Variants in NPAT observed in about 807,000 individuals in gnomAD.
NPAT encodes the protein nuclear protein, coactivator of histone transcription, also known as protein NPAT.
Under a neutral mutation model 130.7 loss-of-function variants are expected in NPAT, and 52 were observed. The ratio of observed to expected loss-of-function variants is 0.40; its 90% CI spans 0.32 to 0.50. NPAT has a LOEUF of 0.50. NPAT is among the 20% of genes least tolerant of loss of function. The probability of loss-of-function intolerance (pLI) is 0.68; values close to 1 mark genes in which losing one functional copy is unlikely to be tolerated. For synonymous variants in NPAT, 580 were observed against 584.8 expected (o/e 0.99, Z 0.12); for missense variants, 1,687 against 1,662.6 (o/e 1.01, Z -0.26).
chr11:108,202,378 T>G (rs1276734191), intron 1 of NPAT, among the ~76,000 whole-genome samples: 1 of 152,120 alleles, frequency 6.6e-6, no homozygotes, highest in African/African-American at 2.4e-5. Context: ...CTGATCCACT[T>G]GAGGCCCCTC....
rs987775769 is a variant in NPAT at position 108,157,461 on chromosome 11, A to G, written c.*1481T>C. On this transcript the variant is annotated 3_prime_UTR_variant, in exon 18 of 18. Transcript: ENST00000278612. ...TCTCAAGCTGAGTTAAATAAACATT[A>G]ACTATATGATATTTAGTTCCTTAGG... 7 of 152,160 alleles carry G rather than the reference A, an allele frequency of 4.6e-5. No individual in the cohort carries two copies. Among genetic ancestry groups the G allele is most frequent in the African/African-American group, 1.4e-4 (6 of 41,460 alleles). The allele number at this position is 152,160 out of a possible 1,614,324, so 9.4% of individuals were successfully genotyped here. A position where few individuals can be genotyped will look rare whatever the true frequency, so the allele number is the denominator to read the frequency against.
chr11:108,216,668 A>G (rs911008494), intron 1 of NPAT, among the ~76,000 whole-genome samples: 2 of 150,170 alleles, frequency 1.3e-5, no homozygotes, highest in African/African-American at 4.9e-5. Context: ...ATCATTACAG[A>G]TAATTCATGG....
At position 108,173,372 on chromosome 11, in the gene NPAT, T is replaced by C; in HGVS notation, c.1612A>G (p.Thr538Ala). The C allele has an allele frequency of 6.2e-7, 1 of 1,613,740 alleles. No homozygotes were observed. The highest frequency in any genetic ancestry group is 8.5e-7 in the Non-Finnish European group (1 of 1,179,642). The change falls in exon 13 of 18, where the codon ACT becomes GCT. Residue 538 changes from threonine (T) to alanine (A), a missense_variant. This residue lies in a region of NPAT where 1,379 missense variants were observed against 1,346.6 expected (regional missense o/e 1.02). Transcript: ENST00000278612. ...GKSSQLLSQDTSLTGKPSKKS... is the reference protein window; with the variant it reads ...GKSSQLLSQDASLTGKPSKKS... Reference sequence around the variant, plus strand: ...TTAGATGGCTTTCCAGTTAATGAAGTATCTTGGGATAAAAGTTGAGAACTC... The same window carrying C: ...TTAGATGGCTTTCCAGTTAATGAAGCATCTTGGGATAAAAGTTGAGAACTC...
intron 1 of NPAT, among the ~76,000 whole-genome samples, chr11:108,217,466 T>C (rs1467094830): frequency 1.3e-5 from 2 of 152,226 alleles, no homozygotes; most frequent in African/African-American, 4.8e-5. Flanking sequence ...AGTTAGCCTA[T>C]GGTAAAATTA....
At chr11:108,206,779 G>A (rs1257684137) in intron 1 of NPAT, among the ~76,000 whole-genome samples, 2 of 152,228 alleles carry the variant, frequency 1.3e-5, no homozygotes, top group Non-Finnish European at 2.9e-5. Context: ...GGAAGAATGA[G>A]GTTCACGGTC....
chr11:108,178,977 T>A (rs567743836), intron 10 of NPAT, among the ~76,000 whole-genome samples: 4 of 152,272 alleles, frequency 2.6e-5, no homozygotes, highest in Admixed American at 2.6e-4. Flanking sequence ...TCAAAACTAA[T>A]TATAAATTGA....
At chr11:108,180,353 A>G (rs1381655579) in intron 10 of NPAT, among the ~76,000 whole-genome samples, 5 of 152,336 alleles carry the variant, frequency 3.3e-5, no homozygotes, top group African/African-American at 7.2e-5. Flanking sequence ...CACATAATAT[A>G]TAAGAATTCC....
chr11:108,222,577 CA>C lies in NPAT; in HGVS notation c.-42del, dbSNP rs1486893754. The C allele has an allele frequency of 6.2e-7, 1 of 1,611,026 alleles. No homozygotes were observed. The highest frequency in any genetic ancestry group is 8.5e-7 in the Non-Finnish European group (1 of 1,177,976). On this transcript the variant is annotated 5_prime_UTR_variant, in exon 1 of 18. Coordinates refer to ENST00000278612, the MANE Select transcript of NPAT (RefSeq NM_002519.3). The stretch of plus-strand genomic sequence containing the variant: ...AGGAACCACAATAAGGAACAAGACT[CA>C]GGTTAAAGCAAACACAGCGACAGCT...
At chr11:108,164,199 G>T (rs529094240) in intron 15 of NPAT, among the ~76,000 whole-genome samples, 51 of 152,322 alleles carry the variant, frequency 3.3e-4, no homozygotes, top group African/African-American at 1.2e-3. Flanking sequence ...GACGTGTTGT[G>T]CAAGACTGGA....
chr11:108,165,451 T>TA, intron 15 of NPAT, among the ~76,000 whole-genome samples: 1 of 104,052 alleles, frequency 9.6e-6, no homozygotes, highest in Non-Finnish European at 1.9e-5. Flanking sequence ...CACATATGTA[T>TA]TTATATATAT....
rs769402108 is a variant in NPAT, at chr11:108,172,394, T to C, written c.2590A>G (p.Asn864Asp). Residue 864 changes from asparagine (N) to aspartate (D), a missense_variant, in exon 13 of 18, where the codon AAT becomes GAT. Asn to Asp is a conservative substitution (Grantham distance 23). Coordinates refer to ENST00000278612, the MANE Select transcript of NPAT (RefSeq NM_002519.3). ...ACACAGGTAGCTATCAGAATGTTATTTGAATTGCCAAAAGCTGTGCTTGTG... is the reference window on the plus strand; with the variant it reads ...ACACAGGTAGCTATCAGAATGTTATCTGAATTGCCAAAAGCTGTGCTTGTG... Reference protein sequence around the residue: ...PATSTAFGNSNNILIATCVTD... With the variant: ...PATSTAFGNSDNILIATCVTD... 79 of 1,614,118 alleles carry C rather than the reference T, an allele frequency of 4.9e-5. No individual in the cohort carries two copies. Among genetic ancestry groups the C allele is most frequent in the Non-Finnish European group, 6.3e-5 (74 of 1,180,046 alleles).
chr11:108,199,457 C>A (rs886937261), intron 1 of NPAT, among the ~76,000 whole-genome samples: 1 of 152,216 alleles, frequency 6.6e-6, no homozygotes, highest in Non-Finnish European at 1.5e-5. Context: ...GACAGCATAG[C>A]GGCACTGAAT....
intron 1 of NPAT, among the ~76,000 whole-genome samples, chr11:108,203,663 C>T (rs2078296363): frequency 6.6e-6 from 1 of 152,200 alleles, no homozygotes; most frequent in Admixed American, 6.5e-5. Flanking sequence ...CTGTTCCTCA[C>T]AAGGCATCTT....
At chr11:108,175,868 GGAAT>G (rs2078000479) in intron 12 of NPAT, among the ~76,000 whole-genome samples, 1 of 152,160 alleles carries the variant, frequency 6.6e-6, no homozygotes, top group African/African-American at 2.4e-5. Context: ...GAATTATAAA[GGAAT>G]GAGGTTGAGT....
chr11:108,170,544 T>C (rs2077941105), intron 13 of NPAT, among the ~76,000 whole-genome samples: 1 of 152,236 alleles, frequency 6.6e-6, no homozygotes, highest in Admixed American at 6.5e-5. Flanking sequence ...AGCACGTAAC[T>C]GGTCAAAACT....
Position 108,161,865 on chromosome 11 carries a change from G to C in NPAT, c.3221C>G (p.Ala1074Gly), listed in dbSNP as rs542147397. The change falls in exon 17 of 18, where the codon GCA (alanine) becomes GGA (glycine). Residue 1074 changes from alanine (A) to glycine (G), a missense_variant. This residue lies in a region of NPAT where 1,379 missense variants were observed against 1,346.6 expected (regional missense o/e 1.02). Transcript: ENST00000278612. ...LCFDSTTAPV[A>G]NTQGPNHKMV... ...CTTATGGTTTGGCCCCTGCGTATTT[G>C]CCACAGGAGCAGTAGTGCTGTCGAA... 13 of 1,613,956 alleles carry C rather than the reference G, an allele frequency of 8.1e-6. No individual in the cohort carries two copies. The highest frequency in any genetic ancestry group is 1.1e-5 in the Non-Finnish European group (13 of 1,180,036).
At chr11:108,160,646 T>C (rs569932630) in intron 17 of NPAT, among the ~76,000 whole-genome samples, 1 of 152,352 alleles carries the variant, frequency 6.6e-6, no homozygotes, top group East Asian at 1.9e-4. Context: ...AGACACCTTG[T>C]GCGTACTACA....
intron 3 of NPAT, among the ~76,000 whole-genome samples, chr11:108,193,053 C>A (rs1159695887): frequency 1.3e-5 from 2 of 152,112 alleles, no homozygotes; most frequent in Admixed American, 6.5e-5. Flanking sequence ...AAATGTCAAG[C>A]TTCTTTTCCT....
chr11:108,184,250 T>C (rs1267195097), intron 10 of NPAT, among the ~76,000 whole-genome samples: 1 of 151,996 alleles, frequency 6.6e-6, no homozygotes. Flanking sequence ...GGCGGGCAGA[T>C]AACGAGGTCA....
Sources: allele counts gnomAD v4.1 joint callset (sites outside exome capture counted in the v4.1 genomes callset), GRCh38; gene constraint gnomAD v4.1.1; regional missense constraint gnomAD v4.1.1; transcripts MANE v1.5; gene names NCBI Gene and HGNC (gene_info 2026-07-23, HGNC 2026-07-21).